The following BAZ2B variants were observed in gnomAD, a reference collection of about 807,000 sequenced individuals.
The protein encoded by BAZ2B is bromodomain adjacent to zinc finger domain 2B.
Under a neutral mutation model 246.0 loss-of-function variants are expected in BAZ2B, and 91 were observed. That is an observed-to-expected ratio of 0.37 (90% CI 0.31 to 0.44). The LOEUF (loss-of-function observed/expected upper bound fraction) is 0.44, where lower values mean the gene tolerates loss of function less well. Among genes scored for constraint, BAZ2B ranks in the 20% least tolerant of loss-of-function variants. The pLI, the probability that BAZ2B is intolerant of heterozygous loss-of-function variation, is 1.00. For synonymous variants in BAZ2B, 855 were observed against 860.0 expected (o/e 0.99, Z 0.10); for missense variants, 2,332 against 2,533.7 (o/e 0.92, Z 1.71).
At chr2:159,508,930 T>C (rs1559649821) in intron 2 of BAZ2B, among the ~76,000 whole-genome samples, 1 of 152,152 alleles carries the variant, frequency 6.6e-6, no homozygotes, top group Non-Finnish European at 1.5e-5. Context: ...GTTTCCCTGT[T>C]TTAATATTGC....
chr2:159,620,294 T>C (rs140418612), upstream of BAZ2B, among the ~76,000 whole-genome samples: 17 of 152,328 alleles, frequency 1.1e-4, no homozygotes, highest in Non-Finnish European at 2.5e-4. Context: ...ATATCTTGTT[T>C]CTGTTTCAAT....
chr2:159,638,654 A>G, the BAZ2B span, among the ~76,000 whole-genome samples: 6 of 152,006 alleles, frequency 3.9e-5, no homozygotes, highest in Non-Finnish European at 5.9e-5. Context: ...GATTAAGCAG[A>G]AAAAAAACAG....
At chr2:159,347,747 A>C in intron 30 of BAZ2B, 101 bp from the exon 31 acceptor site, 5 of 976,330 alleles carry the variant, frequency 5.1e-6, no homozygotes, top group South Asian at 5.1e-5. Flanking sequence ...ACCCATGTAC[A>C]TCTAACTTGA....
the BAZ2B span, among the ~76,000 whole-genome samples, chr2:159,649,522 T>A: frequency 6.6e-6 from 1 of 152,088 alleles, no homozygotes; most frequent in Non-Finnish European, 1.5e-5. Flanking sequence ...TCCTGCTGTG[T>A]GGCCCAGTTC....
At chr2:159,554,025 A>T (rs568263246) in intron 2 of BAZ2B, among the ~76,000 whole-genome samples, 3 of 152,268 alleles carry the variant, frequency 2.0e-5, no homozygotes, top group Non-Finnish European at 4.4e-5. Context: ...TCTTAACTCA[A>T]AGGGCCAGCA....
At chr2:159,668,919 G>A in the BAZ2B span, among the ~76,000 whole-genome samples, 1 of 152,140 alleles carries the variant, frequency 6.6e-6, no homozygotes, top group African/African-American at 2.4e-5. Context: ...AGCCGGGCAT[G>A]GTGGTGCATG....
the BAZ2B span, among the ~76,000 whole-genome samples, chr2:159,640,472 T>G: frequency 2.6e-5 from 4 of 151,444 alleles, no homozygotes; most frequent in Non-Finnish European, 5.9e-5. Context: ...CTTAAAACAT[T>G]CAAAAAAAAA....
At chr2:159,334,593 T>C (rs957680707) in intron 33 of BAZ2B, among the ~76,000 whole-genome samples, 1 of 152,214 alleles carries the variant, frequency 6.6e-6, no homozygotes, top group Non-Finnish European at 1.5e-5. Flanking sequence ...TGCCTTCTTT[T>C]CAAGGTAGTT....
chr2:159,349,378 A>G (rs2058322781), intron 28 of BAZ2B, 98 bp from the exon 29 acceptor site: 1 of 1,234,562 alleles, frequency 8.1e-7, no homozygotes, highest in Admixed American at 2.9e-5. Context: ...TCCAAAAAAT[A>G]TTCTTTCATT....
chr2:159,361,082 A>G (rs1377916472), intron 27 of BAZ2B, among the ~76,000 whole-genome samples: 2 of 152,160 alleles, frequency 1.3e-5, no homozygotes, highest in African/African-American at 4.8e-5. Context: ...AATGGCAACA[A>G]AAGCCAAAAT....
In BAZ2B at chr2:159,336,978, C is replaced by G. The variant is rs748336740; in HGVS notation, c.5760G>C (p.Gln1920His). 3 of 1,609,780 alleles carry G rather than the reference C, an allele frequency of 1.9e-6. No homozygotes were observed. Among genetic ancestry groups the G allele is most frequent in the Non-Finnish European group, 2.5e-6 (3 of 1,176,730 alleles). Residue 1920 changes from glutamine (Q) to histidine (H), a missense_variant, in exon 33 of 37, where the codon CAG becomes CAC. This residue lies in a region of BAZ2B where 53 missense variants were observed against 62.0 expected (regional missense o/e 0.86). Transcript: ENST00000392783. ...AQVALCIQQL[Q>H]KSIAWEKSIM... ...TTGATTTTTCCCATGCTATTGATTT[C>G]TGTAATTGCTGAATGCACAGAGCTA...
At chr2:159,689,843 A>G in the BAZ2B span, 11 of 488,514 alleles carry the variant, frequency 2.3e-5, no homozygotes, top group Middle Eastern at 2.8e-3. Flanking sequence ...GATTTGGCAG[A>G]ATTGCTGGTA....
chr2:159,660,074 C>A, the BAZ2B span, among the ~76,000 whole-genome samples: 1 of 152,238 alleles, frequency 6.6e-6, no homozygotes, highest in Non-Finnish European at 1.5e-5. Context: ...TTTCATCATG[C>A]CAAACAGAAA....
chr2:159,547,222 T>C (rs1472206765), intron 2 of BAZ2B, among the ~76,000 whole-genome samples: 1 of 152,200 alleles, frequency 6.6e-6, no homozygotes, highest in East Asian at 1.9e-4. Context: ...ACATACTATC[T>C]TACATTCTGA....
chr2:159,653,696 T>C, the BAZ2B span, among the ~76,000 whole-genome samples: 2 of 152,196 alleles, frequency 1.3e-5, no homozygotes, highest in Admixed American at 1.3e-4. Flanking sequence ...AGCTAATTAT[T>C]GACATGGTTG....
chr2:159,665,430 C>G, the BAZ2B span, among the ~76,000 whole-genome samples: 1 of 10,114 alleles, frequency 9.9e-5, no homozygotes, highest in African/African-American at 3.4e-4. Context: ...CTGGAGGCAT[C>G]ACACTACCTG....
intron 2 of BAZ2B, among the ~76,000 whole-genome samples, chr2:159,534,251 G>A (rs1197859761): frequency 6.6e-6 from 1 of 152,156 alleles, no homozygotes; most frequent in Admixed American, 6.5e-5. Flanking sequence ...TCTGAGAAAC[G>A]TGTTGTTAGG....
intron 26 of BAZ2B, 70 bp downstream of exon 26, chr2:159,374,621 C>G (rs2061222475): frequency 1.4e-6 from 2 of 1,381,104 alleles, no homozygotes; most frequent in African/African-American, 2.9e-5. Context: ...GTCAGAAAAA[C>G]TAATCCCCTT....
chr2:159,585,364 T>A (rs1687797579), intron 1 of BAZ2B, among the ~76,000 whole-genome samples: 1 of 152,170 alleles, frequency 6.6e-6, no homozygotes, highest in Admixed American at 6.5e-5. Flanking sequence ...AAAAATACAA[T>A]GATTTACAAT....
Sources: allele counts gnomAD v4.1 joint callset (sites outside exome capture counted in the v4.1 genomes callset), GRCh38; gene constraint gnomAD v4.1.1; regional missense constraint gnomAD v4.1.1; transcripts MANE v1.5; gene names NCBI Gene and HGNC (gene_info 2026-07-23, HGNC 2026-07-21).